Variants in QTRT2 observed in about 807,000 individuals in gnomAD.
QTRT2 encodes queuine tRNA-ribosyltransferase accessory subunit 2.
A neutral mutation model predicts 44.8 loss-of-function variants in QTRT2; 32 were observed. That is an observed-to-expected ratio of 0.71 (90% CI 0.54 to 0.96). The LOEUF (loss-of-function observed/expected upper bound fraction) is 0.96. Among genes scored for constraint, QTRT2 ranks in the 40% least tolerant of loss-of-function variants. QTRT2 has a pLI of 0.00. For synonymous variants in QTRT2, 182 were observed against 187.4 expected (o/e 0.97, Z 0.24); for missense variants, 461 against 503.1 (o/e 0.92, Z 0.80).
Position 114,085,926 on chromosome 3 carries a change from A to C in QTRT2, c.*22A>C. The C allele has an allele frequency of 1.6e-5, 25 of 1,527,052 alleles. No individual in the cohort carries two copies. Among genetic ancestry groups the C allele is most frequent in the Non-Finnish European group, 2.1e-5 (23 of 1,101,166 alleles). The allele number at this position is 1,527,052 out of a possible 1,614,324, so 94.6% of individuals were successfully genotyped here. On this transcript the variant is annotated 3_prime_UTR_variant, in exon 10 of 10. Transcript: ENST00000281273. ...TTGAGATCTTGCAAATACAAGTCTC[A>C]CTCTTCACACTGAGCCTGTACCACT...
chr3:114,082,755 A>C lies in QTRT2; in HGVS notation c.977A>C (p.Gln326Pro). ...AAAATTGAAACAACTGGTTGCAACC[A>C]AGAAATAACATCATTTGAAATTAAT... Reference protein sequence around the residue: ...IKKIETTGCNQEITSFEINLK... With the variant: ...IKKIETTGCNPEITSFEINLK... The change falls in exon 9 of 10, where the codon CAA (glutamine) becomes CCA (proline). Residue 326 changes from glutamine (Q) to proline (P), a missense_variant. Gln to Pro is a moderately conservative substitution (Grantham distance 76). Transcript: ENST00000281273. 2 of 1,504,970 alleles carry C rather than the reference A, an allele frequency of 1.3e-6. No individual in the cohort carries two copies. Among genetic ancestry groups the C allele is most frequent in the Non-Finnish European group, 1.8e-6 (2 of 1,098,940 alleles). 93.2% of individuals were successfully genotyped at this position (1,504,970 alleles called of 1,614,324 possible).
intron 2 of QTRT2, among the ~76,000 whole-genome samples, chr3:114,061,516 G>T (rs2076886289): frequency 6.6e-6 from 1 of 152,196 alleles, no homozygotes; most frequent in African/African-American, 2.4e-5. Context: ...GTGTAATTCT[G>T]TTGGCACAGG....
Position 114,073,658 on chromosome 3 carries a change from T to A in QTRT2, c.546+2820T>A, listed in dbSNP as rs771585346. Reference sequence around the variant, plus strand: ...CCTCCCCGAATGCTGGGATTATAGATGTGAGTCACCGCGCCCGGCCTTACT... The same window carrying A: ...CCTCCCCGAATGCTGGGATTATAGAAGTGAGTCACCGCGCCCGGCCTTACT... On this transcript the variant is annotated intron_variant, in intron 6 of 9. Transcript: ENST00000281273. Among the ~76,000 whole-genome samples, 3 of 152,142 alleles carry A rather than the reference T, an allele frequency of 2.0e-5. No individual in the cohort carries two copies. The South Asian group carries it at 6.2e-4, about 31-fold the overall frequency.
At chr3:114,063,626 C>T (rs2076915886) in intron 2 of QTRT2, among the ~76,000 whole-genome samples, 1 of 151,876 alleles carries the variant, frequency 6.6e-6, no homozygotes. Flanking sequence ...GAAAATTGAC[C>T]AGGCTTTCAT....
intron 3 of QTRT2, 34 bp from the exon 4 acceptor site, chr3:114,066,191 CATT>C: frequency 6.9e-7 from 1 of 1,449,438 alleles, no homozygotes; most frequent in African/African-American, 1.4e-5. Flanking sequence ...CAGAATGACA[CATT>C]ATTATGTTAT....
chr3:114,069,275 G>A (rs554738340), intron 5 of QTRT2, among the ~76,000 whole-genome samples: 5 of 151,864 alleles, frequency 3.3e-5, no homozygotes, highest in African/African-American at 1.2e-4. Flanking sequence ...TCGGGGGTAC[G>A]TGTAAACATT....
At position 114,070,737 on chromosome 3, in the gene QTRT2, G is replaced by A. The variant is rs1375237629; in HGVS notation, c.445G>A (p.Val149Ile). The change falls in exon 6 of 10, where the codon GTA (valine) becomes ATA (isoleucine). Residue 149 changes from valine (V) to isoleucine (I), a missense_variant. Val to Ile is a conservative substitution (Grantham distance 29, BLOSUM62 3). Transcript: ENST00000281273. Reference protein sequence around the residue: ...DWFQCLSDGEVSCKEATSIKR... With the variant: ...DWFQCLSDGEISCKEATSIKR... Reference sequence around the variant, plus strand: ...GTTCCAGTGCCTCTCCGATGGAGAAGTATCTTGTAAGGAAGCAACTTCCAT... The same window carrying A: ...GTTCCAGTGCCTCTCCGATGGAGAAATATCTTGTAAGGAAGCAACTTCCAT... 5 of 1,614,146 alleles carry A rather than the reference G, an allele frequency of 3.1e-6. No individual in the cohort carries two copies. The highest frequency in any genetic ancestry group is 2.2e-5 in the East Asian group (1 of 44,874).
At chr3:114,066,163 AGTT>A (rs1293770418) in intron 3 of QTRT2, 62 bp from the exon 4 acceptor site, 9 of 1,160,396 alleles carry the variant, frequency 7.8e-6, no homozygotes, top group Non-Finnish European at 1.2e-5. Context: ...AGAGGGCTCC[AGTT>A]GTACAGAGTA....
intron 6 of QTRT2, among the ~76,000 whole-genome samples, chr3:114,074,243 G>A (rs904312662): frequency 2.0e-5 from 3 of 152,174 alleles, no homozygotes; most frequent in East Asian, 3.8e-4. Context: ...ACATCCTGCT[G>A]ATTCCTCAAA....
chr3:114,075,585 C>T lies in QTRT2; in HGVS notation c.547-1158C>T, dbSNP rs542678931. On this transcript the variant is annotated intron_variant, in intron 6 of 9. Transcript: ENST00000281273. The stretch of plus-strand genomic sequence containing the variant: ...GTGCAGTGGCGCAATCTCCACTCAG[C>T]GCAGCCTCCTCCTCCTCGGCTCAAG... Among the ~76,000 whole-genome samples, 10 of 150,156 alleles carry T rather than the reference C, an allele frequency of 6.7e-5. No individual in the cohort carries two copies. In the South Asian group the frequency reaches 1.0e-3, roughly 16 times the overall value.
In QTRT2 at chr3:114,088,266, C is replaced by T. The variant is rs533090342; in HGVS notation, c.*2362C>T. Reference sequence around the variant, plus strand: ...GTTTCCTGGGTCTTTTTCTTATTAGCACATTTGAGAAAAATATTCCTTTCC... The same window carrying T: ...GTTTCCTGGGTCTTTTTCTTATTAGTACATTTGAGAAAAATATTCCTTTCC... On this transcript the variant is annotated 3_prime_UTR_variant, in exon 10 of 10. Coordinates refer to ENST00000281273, the MANE Select transcript of QTRT2 (RefSeq NM_024638.4). 2.3e-4 allele frequency: 35 copies of T among 152,192 alleles called. No individual in the cohort carries two copies. The highest frequency in any genetic ancestry group is 8.2e-4 in the African/African-American group (34 of 41,530). The allele number at this position is 152,192 out of a possible 1,614,324, so 9.4% of individuals were successfully genotyped here. A position where few individuals can be genotyped will look rare whatever the true frequency, so the allele number is the denominator to read the frequency against.
chr3:114,065,402 A>G lies in QTRT2; in HGVS notation c.145A>G (p.Thr49Ala). Residue 49 changes from threonine (T) to alanine (A), a missense_variant, in exon 3 of 10, where the codon ACG becomes GCG. Coordinates refer to ENST00000281273, the MANE Select transcript of QTRT2 (RefSeq NM_024638.4). Reference protein sequence around the residue: ...TGSAPHLTHHTLHNIHGVPAM... With the variant: ...TGSAPHLTHHALHNIHGVPAM... ...CTCCGCCCCACACCTCACCCATCAC[A>G]CGCTGCATAATATCCACGGGGTTCC... is the stretch of plus-strand genomic sequence containing the variant. 1.2e-6 allele frequency: 2 copies of G among 1,614,104 alleles called. No homozygotes were observed. Among genetic ancestry groups the G allele is most frequent in the Non-Finnish European group, 1.7e-6 (2 of 1,179,994 alleles).
intron 2 of QTRT2, among the ~76,000 whole-genome samples, chr3:114,058,016 T>C (rs1425220525): frequency 6.6e-6 from 1 of 152,214 alleles, no homozygotes; most frequent in African/African-American, 2.4e-5. Flanking sequence ...ATAATTAAAG[T>C]CCTTGCTCTG....
Position 114,087,219 on chromosome 3 carries a change from A to T in QTRT2, c.*1315A>T, listed in dbSNP as rs992756244. On this transcript the variant is annotated 3_prime_UTR_variant, in exon 10 of 10. Transcript: ENST00000281273. ...AGAAATACATTTGTTTTATACTTCT[A>T]TGCTATATTTTGCTATTCAAAATTT... 2 of 152,172 alleles carry T rather than the reference A, an allele frequency of 1.3e-5. No individual in the cohort carries two copies. Among genetic ancestry groups the T allele is most frequent in the Non-Finnish European group, 2.9e-5 (2 of 68,028 alleles). 9.4% of individuals were successfully genotyped at this position (152,172 alleles called of 1,614,324 possible).
intron 4 of QTRT2, chr3:114,066,497 G>A: frequency 3.8e-6 from 2 of 525,994 alleles, no homozygotes. Context: ...GATAAAGATA[G>A]AGAATTCTAG....
intron 6 of QTRT2, among the ~76,000 whole-genome samples, chr3:114,076,517 T>G (rs1210943415): frequency 1.3e-5 from 2 of 152,166 alleles, no homozygotes; most frequent in Non-Finnish European, 2.9e-5. Flanking sequence ...TGAATGCATC[T>G]TTTTCCTCAG....
intron 2 of QTRT2, 173 bp downstream of exon 2, chr3:114,057,279 G>A (rs543463040): frequency 5.6e-6 from 1 of 178,714 alleles, no homozygotes; most frequent in East Asian, 1.5e-4. Context: ...GCCCATTTAG[G>A]GGTGATAAAT....
rs909469920 is a variant in QTRT2 at position 114,064,674 on chromosome 3, A to G, written c.-21-563A>G. Among the ~76,000 whole-genome samples the G allele has an allele frequency of 2.0e-5, 3 of 152,290 alleles. No individual in the cohort carries two copies. In the East Asian group the frequency reaches 5.8e-4, roughly 29 times the overall value. On this transcript the variant is annotated intron_variant, in intron 2 of 9. Coordinates refer to ENST00000281273, the MANE Select transcript of QTRT2 (RefSeq NM_024638.4). ...TCTGTTTGGATACCATATAAGAACA[A>G]ATTGGGAAATAATCCGACCTCAGAG...
intron 5 of QTRT2, among the ~76,000 whole-genome samples, chr3:114,070,310 A>G (rs2077007589): frequency 6.6e-6 from 1 of 152,216 alleles, no homozygotes; most frequent in African/African-American, 2.4e-5. Flanking sequence ...AGTCAAAAGG[A>G]ACAGTGTGAT....
Sources: allele counts gnomAD v4.1 joint callset (sites outside exome capture counted in the v4.1 genomes callset), GRCh38; gene constraint gnomAD v4.1.1; transcripts MANE v1.5; gene names NCBI Gene and HGNC (gene_info 2026-07-23, HGNC 2026-07-21).